The following CFTR variants were observed in gnomAD, a reference collection of about 807,000 sequenced individuals.
CFTR encodes the protein cystic fibrosis transmembrane conductance regulator.
A neutral mutation model predicts 171.6 loss-of-function variants in CFTR; 181 were observed. The ratio of observed to expected loss-of-function variants is 1.05; its 90% CI spans 0.93 to 1.19. CFTR has a LOEUF of 1.19. Among genes scored for constraint, CFTR ranks in the 50% most tolerant of loss-of-function variants. CFTR has a pLI of 0.00. For synonymous variants in CFTR, 583 were observed against 608.0 expected (o/e 0.96, Z 0.60); for missense variants, 1,968 against 1,734.7 (o/e 1.13, Z -2.39).
rs192370705 is a variant in CFTR at position 117,630,122 on chromosome 7, A to C, written c.3717+2352A>C. On this transcript the variant is annotated intron_variant, in intron 22 of 26. Transcript: ENST00000003084. ...GTGGCAATAACAAAGCTTAAGTTTC[A>C]CAGACCTTCATTTGCCTGAGCCAAC... Among the ~76,000 whole-genome samples, 21 of 152,340 alleles carry C rather than the reference A, an allele frequency of 1.4e-4. No homozygotes were observed. In the East Asian group the frequency reaches 3.7e-3, roughly 27 times the overall value.
chr7:117,503,011 T>A (rs1332637092), intron 1 of CFTR, among the ~76,000 whole-genome samples: 1 of 152,128 alleles, frequency 6.6e-6, no homozygotes, highest in Non-Finnish European at 1.5e-5. Flanking sequence ...CAAGGAAGTA[T>A]AAAGAAGGAC....
chr7:117,652,434 A>C (rs550665194), intron 23 of CFTR, among the ~76,000 whole-genome samples: 1 of 152,330 alleles, frequency 6.6e-6, no homozygotes, highest in Non-Finnish European at 1.5e-5. Context: ...TACATTAACA[A>C]ACTAGGAATT....
chr7:117,579,478 A>G (rs1342784296), intron 11 of CFTR, among the ~76,000 whole-genome samples: 2 of 151,916 alleles, frequency 1.3e-5, no homozygotes, highest in Non-Finnish European at 2.9e-5. Flanking sequence ...CTTTGGGATA[A>G]CATTCATCTT....
intron 1 of CFTR, among the ~76,000 whole-genome samples, chr7:117,497,841 C>A (rs928718947): frequency 6.6e-6 from 1 of 152,020 alleles, no homozygotes; most frequent in African/African-American, 2.4e-5. Flanking sequence ...GCAATTAATG[C>A]ATTATAATTA....
Position 117,563,890 on chromosome 7 carries a change from C to T in CFTR, c.1584+4235C>T, listed in dbSNP as rs148484513. On this transcript the variant is annotated intron_variant, in intron 11 of 26. Coordinates refer to ENST00000003084, the MANE Select transcript of CFTR (RefSeq NM_000492.4). ...CTGATTTAGGCTTCCTTAGTCATCT[C>T]ATAATAGAAAAAATCAGCCAGGTAT... Among the ~76,000 whole-genome samples, 624 of 152,142 alleles carry T rather than the reference C, an allele frequency of 4.1e-3. 7 individuals are homozygous for T. Among genetic ancestry groups the T allele is most frequent in the African/African-American group, 0.013 (520 of 41,500 alleles).
chr7:117,607,687 A>C lies in CFTR; in HGVS notation c.2988+934A>C, dbSNP rs184589867. Among the ~76,000 whole-genome samples, 391 of 152,318 alleles carry C rather than the reference A, an allele frequency of 2.6e-3. 1 individual carries two copies. The highest frequency in any genetic ancestry group is 7.2e-3 in the South Asian group (35 of 4,830). On this transcript the variant is annotated intron_variant, in intron 18 of 26. Transcript: ENST00000003084. ...ATACTGTATTTGATTGAACATATAA[A>C]ACAAAAGAAGGATTATCACATAAGT...
chr7:117,539,417 T>C (rs1799009966), intron 7 of CFTR, among the ~76,000 whole-genome samples: 1 of 151,120 alleles, frequency 6.6e-6, no homozygotes, highest in Non-Finnish European at 1.5e-5. Flanking sequence ...AAAGAACCAC[T>C]TGGGTTTTTT....
chr7:117,482,452 A>G (rs1798012242), intron 1 of CFTR, among the ~76,000 whole-genome samples: 1 of 152,154 alleles, frequency 6.6e-6, no homozygotes, highest in Non-Finnish European at 1.5e-5. Flanking sequence ...AATTTGAAGA[A>G]CATCTGAACT....
intron 1 of CFTR, among the ~76,000 whole-genome samples, chr7:117,494,971 G>C (rs4148688): frequency 0.23 from 35,030 of 151,960 alleles, 4,337 homozygotes; most frequent in East Asian, 0.42. Context: ...AGTTGCACAA[G>C]TTTCTTTCTT....
rs145540754 is a variant in CFTR at position 117,592,246 on chromosome 7, T to G, written c.2079T>G (p.Phe693Leu). The part of the protein sequence containing the change: ...KKQSFKQTGE[F>L]GEKRKNSILN... ...AATCTTTTAAACAGACTGGAGAGTT[T>G]GGGGAAAAAAGGAAGAATTCTATTC... is the stretch of plus-strand genomic sequence containing the variant. Residue 693 changes from phenylalanine (F) to leucine (L), a missense_variant, in exon 14 of 27, where the codon TTT becomes TTG. Transcript: ENST00000003084. The G allele has an allele frequency of 4.6e-5, 75 of 1,613,816 alleles. No homozygotes were observed. The African/African-American group carries it at 9.5e-4, about 20-fold the overall frequency.
chr7:117,483,057 C>T (rs1425685186), intron 1 of CFTR, among the ~76,000 whole-genome samples: 1 of 152,174 alleles, frequency 6.6e-6, no homozygotes, highest in Non-Finnish European at 1.5e-5. Flanking sequence ...CAAAGAATCA[C>T]ATAGTCTAAG....
intron 3 of CFTR, among the ~76,000 whole-genome samples, chr7:117,512,503 G>A (rs922286318): frequency 1.3e-5 from 2 of 151,750 alleles, no homozygotes; most frequent in African/African-American, 4.8e-5. Flanking sequence ...GCGTGGTGGC[G>A]GGCACCTGTG....
chr7:117,504,031 C>T (rs1197129614), intron 1 of CFTR, among the ~76,000 whole-genome samples: 1 of 152,078 alleles, frequency 6.6e-6, no homozygotes, highest in South Asian at 2.1e-4. Flanking sequence ...CTCCCAATCC[C>T]TTTGACAAAG....
chr7:117,519,345 T>G (rs1191782219), intron 3 of CFTR, among the ~76,000 whole-genome samples: 1 of 152,086 alleles, frequency 6.6e-6, no homozygotes, highest in Non-Finnish European at 1.5e-5. Context: ...CAAAAACTAT[T>G]GTCAGACTCT....
intron 1 of CFTR, among the ~76,000 whole-genome samples, chr7:117,481,741 A>C (rs1462848355): frequency 6.6e-6 from 1 of 152,238 alleles, no homozygotes; most frequent in Non-Finnish European, 1.5e-5. Context: ...AATACCAATG[A>C]TTACAAACTT....
At chr7:117,650,697 A>G (rs1460549518) in intron 23 of CFTR, among the ~76,000 whole-genome samples, 2 of 152,062 alleles carry the variant, frequency 1.3e-5, no homozygotes, top group Non-Finnish European at 2.9e-5. Context: ...CCCATATGAA[A>G]TGCTTCAACT....
chr7:117,640,716 C>G (rs1792899067), intron 22 of CFTR, among the ~76,000 whole-genome samples: 1 of 152,110 alleles, frequency 6.6e-6, no homozygotes, highest in Admixed American at 6.6e-5. Flanking sequence ...TGAGCTGATT[C>G]ATAAATGAAA....
chr7:117,665,447 T>C lies in CFTR; in HGVS notation c.4137-12T>C, dbSNP rs1032196530. The C allele has an allele frequency of 1.1e-5, 16 of 1,487,192 alleles. No homozygotes were observed. Among genetic ancestry groups the C allele is most frequent in the Non-Finnish European group, 1.4e-5 (15 of 1,064,666 alleles). 92.1% of individuals were successfully genotyped at this position (1,487,192 alleles called of 1,614,324 possible). ...CTGTGATATTATGTGTGGTATTTTC[T>C]TTCTTTTCTAGAACATACCAAATAA... On this transcript the variant is annotated splice_polypyrimidine_tract_variant and intron_variant, in intron 25 of 26. Transcript: ENST00000003084.
intron 21 of CFTR, among the ~76,000 whole-genome samples, chr7:117,620,476 C>T (rs113990647): frequency 0.034 from 5,130 of 152,200 alleles, 129 homozygotes; most frequent in Non-Finnish European, 0.058. Context: ...CTGCTACTGT[C>T]CCTGAATGCT....
Sources: gnomAD v4.1 joint callset for allele counts (sites outside exome capture counted in the v4.1 genomes callset) on GRCh38, gnomAD v4.1.1 for gene constraint, MANE v1.5 for transcripts, NCBI Gene and HGNC (gene_info 2026-07-23, HGNC 2026-07-21) for gene names.